Variants in IL1RAPL2 observed in about 807,000 individuals in gnomAD.
IL1RAPL2 encodes interleukin 1 receptor accessory protein like 2, also known as X-linked interleukin-1 receptor accessory protein-like 2.
IL1RAPL2 carries 3 observed loss-of-function variants against 44.1 expected under a neutral mutation model. The observed-to-expected ratio is 0.07, with a 90% confidence interval of 0.03 to 0.18. The LOEUF (loss-of-function observed/expected upper bound fraction) is 0.18, where lower values mean the gene tolerates loss of function less well. Ranked by LOEUF, IL1RAPL2 falls within the 10% of genes least tolerant of loss-of-function variation. The pLI, the probability that IL1RAPL2 is intolerant of heterozygous loss-of-function variation, is 1.00. For synonymous variants in IL1RAPL2, 181 were observed against 178.8 expected (o/e 1.01, Z -0.10); for missense variants, 391 against 496.4 (o/e 0.79, Z 2.02).
At chrX:104,867,789 A>G (rs1922657925) in intron 2 of IL1RAPL2, among the ~76,000 whole-genome samples, 2 of 112,230 alleles carry the variant, frequency 1.8e-5, no homozygotes, top group African/African-American at 6.5e-5. Context: ...AAGGAAAACC[A>G]GGTAGAAGAT....
chrX:105,487,291 G>A (rs898128474), intron 6 of IL1RAPL2, among the ~76,000 whole-genome samples: 4 of 110,928 alleles, frequency 3.6e-5, no homozygotes, highest in African/African-American at 9.8e-5. Context: ...GATTCACTGG[G>A]TGTAACACCT....
At chrX:105,264,761 C>A (rs6621952) in intron 4 of IL1RAPL2, among the ~76,000 whole-genome samples, 21,538 of 111,151 alleles carry the variant, frequency 0.19, 1,861 homozygotes, top group East Asian at 0.33. Flanking sequence ...CTGAAGATGA[C>A]AGAACTTGGG....
At chrX:105,194,736 A>C (rs2033660389) in intron 2 of IL1RAPL2, among the ~76,000 whole-genome samples, 1 of 112,119 alleles carries the variant, frequency 8.9e-6, no homozygotes, top group Non-Finnish European at 1.9e-5. Context: ...ATATAACAGC[A>C]AATAATCACT....
intron 2 of IL1RAPL2, among the ~76,000 whole-genome samples, chrX:104,836,382 T>C (rs1412485224): frequency 9.0e-6 from 1 of 110,605 alleles, no homozygotes; most frequent in Non-Finnish European, 1.9e-5. Flanking sequence ...TCGATAATAA[T>C]ATAATTATAC....
intron 2 of IL1RAPL2, among the ~76,000 whole-genome samples, chrX:104,721,063 G>A (rs142805188): frequency 4.8e-3 from 529 of 111,314 alleles, no homozygotes; most frequent in African/African-American, 0.015. Flanking sequence ...AAATAGGAAC[G>A]CTTTTACACT....
rs56775338 is a variant in IL1RAPL2, at chrX:105,135,046, C to CAAA, written c.83-60415_83-60413dup. On this transcript the variant is annotated intron_variant, in intron 2 of 10. Coordinates refer to ENST00000372582, the MANE Select transcript of IL1RAPL2 (RefSeq NM_017416.2). ...CATATCTTACTTGGATTCAGAGCTA[C>CAAA]AAAAAAAAAAAAAAAAGATGCCCAC... 2.4e-4 allele frequency among the ~76,000 whole-genome samples: 14 copies of CAAA among 57,496 alleles called. 1 individual carries two copies. The highest frequency in any genetic ancestry group is 6.8e-4 in the African/African-American group (13 of 18,990). 49.9% of individuals were successfully genotyped at this position (57,496 alleles called of 115,157 possible). A position where few individuals can be genotyped will look rare whatever the true frequency, so the allele number is the denominator to read the frequency against.
chrX:104,922,542 G>A (rs944836076), intron 2 of IL1RAPL2, among the ~76,000 whole-genome samples: 2 of 112,018 alleles, frequency 1.8e-5, no homozygotes, highest in Admixed American at 1.9e-4. Context: ...CTACAGTAAG[G>A]CTATCTATAA....
intron 6 of IL1RAPL2, among the ~76,000 whole-genome samples, chrX:105,623,354 T>C (rs2037433271): frequency 9.1e-6 from 1 of 110,320 alleles, no homozygotes; most frequent in Non-Finnish European, 1.9e-5. Flanking sequence ...CACGTATATA[T>C]ATATACATAT....
chrX:105,238,773 A>C (rs1486530100), intron 4 of IL1RAPL2, among the ~76,000 whole-genome samples: 1 of 110,708 alleles, frequency 9.0e-6, no homozygotes, highest in Non-Finnish European at 1.9e-5. Context: ...CTTAGGTGAG[A>C]GTGTGCCACT....
chrX:104,729,621 T>C (rs1367621818), intron 2 of IL1RAPL2, among the ~76,000 whole-genome samples: 2 of 108,872 alleles, frequency 1.8e-5, no homozygotes, highest in South Asian at 4.0e-4. Flanking sequence ...CTAAGCATAG[T>C]ACCCAATAGT....
At chrX:105,640,424 G>A (rs1320872105) in intron 6 of IL1RAPL2, among the ~76,000 whole-genome samples, 3 of 107,099 alleles carry the variant, frequency 2.8e-5, no homozygotes, top group African/African-American at 1.0e-4. Flanking sequence ...AAATAATGTT[G>A]CAACAGGCTC....
intron 2 of IL1RAPL2, among the ~76,000 whole-genome samples, chrX:105,140,754 T>C: frequency 8.9e-6 from 1 of 112,789 alleles, no homozygotes. Flanking sequence ...TGCAGGGTTG[T>C]AATATAAAAT....
intron 2 of IL1RAPL2, among the ~76,000 whole-genome samples, chrX:105,027,450 A>G (rs2031393543): frequency 9.0e-6 from 1 of 111,051 alleles, no homozygotes; most frequent in Middle Eastern, 4.6e-3. Flanking sequence ...ACCACAATAT[A>G]AAAGGATTTC....
intron 1 of IL1RAPL2, among the ~76,000 whole-genome samples, chrX:104,625,715 A>G (rs1929491851): frequency 9.0e-6 from 1 of 111,424 alleles, no homozygotes; most frequent in African/African-American, 3.3e-5. Flanking sequence ...GTGGACCAGT[A>G]AAGAAATGTG....
At chrX:105,516,191 A>G (rs2036512459) in intron 6 of IL1RAPL2, among the ~76,000 whole-genome samples, 1 of 112,457 alleles carries the variant, frequency 8.9e-6, no homozygotes, top group South Asian at 3.7e-4. Context: ...CCAGCCAACC[A>G]TGTTTTCACC....
chrX:105,512,862 T>A (rs1435430944), intron 6 of IL1RAPL2, among the ~76,000 whole-genome samples: 1 of 111,005 alleles, frequency 9.0e-6, no homozygotes, highest in African/African-American at 3.3e-5. Flanking sequence ...GGTGGTTTGC[T>A]GCACACATCA....
At chrX:104,718,559 G>A (rs1931621020) in intron 2 of IL1RAPL2, among the ~76,000 whole-genome samples, 1 of 110,505 alleles carries the variant, frequency 9.0e-6, no homozygotes, top group South Asian at 3.9e-4. Context: ...AGTTTCCCCT[G>A]TGTACTCTCT....
intron 6 of IL1RAPL2, among the ~76,000 whole-genome samples, chrX:105,543,696 A>AT (rs2036764107): frequency 8.9e-6 from 1 of 112,116 alleles, no homozygotes; most frequent in Non-Finnish European, 1.9e-5. Context: ...TTTTGAGTGA[A>AT]TTTTTGTGCT....
At chrX:105,050,669 C>T (rs2031907574) in intron 2 of IL1RAPL2, among the ~76,000 whole-genome samples, 1 of 111,799 alleles carries the variant, frequency 8.9e-6, no homozygotes, top group Non-Finnish European at 1.9e-5. Context: ...TCCTGTGTCC[C>T]AGGTCCAGGA....
Sources: gnomAD v4.1 joint callset for allele counts (sites outside exome capture counted in the v4.1 genomes callset) on GRCh38, gnomAD v4.1.1 for gene constraint, MANE v1.5 for transcripts, NCBI Gene and HGNC (gene_info 2026-07-23, HGNC 2026-07-21) for gene names.